TMEM165: variants seen among roughly 807,000 people sequenced by gnomAD.
TMEM165 encodes putative divalent cation/proton antiporter TMEM165.
Under a neutral mutation model 30.0 loss-of-function variants are expected in TMEM165, and 19 were observed. The observed-to-expected ratio is 0.63, with a 90% CI of 0.44 to 0.93. The LOEUF (loss-of-function observed/expected upper bound fraction) is 0.93, where lower values mean the gene tolerates loss of function less well. Among genes scored for constraint, TMEM165 ranks in the 40% least tolerant of loss-of-function variants. The pLI, the probability that TMEM165 is intolerant of heterozygous loss-of-function variation, is 0.00. For synonymous variants in TMEM165, 168 were observed against 162.9 expected (o/e 1.03, Z -0.24); for missense variants, 340 against 417.0 (o/e 0.82, Z 1.61).
chr4:55,447,057 T>A (rs976078058), intron 3 of TMEM165, among the ~76,000 whole-genome samples: 16 of 152,176 alleles, frequency 1.1e-4, no homozygotes, highest in African/African-American at 3.6e-4. Flanking sequence ...TGTTTTTTTT[T>A]AAATATTAGT....
At chr4:55,452,262 T>C (rs1724527416) in exon 4 of TMEM165, 1 of 152,280 alleles carries the variant, frequency 6.6e-6, no homozygotes, top group Non-Finnish European at 1.5e-5. Context: ...CTGGCTCATC[T>C]TGCATGCTTG....
At chr4:55,401,988 C>T (rs1368840118) in intron 1 of TMEM165, among the ~76,000 whole-genome samples, 6 of 148,864 alleles carry the variant, frequency 4.0e-5, no homozygotes, top group African/African-American at 1.5e-4. Flanking sequence ...CGTGGTGGCA[C>T]ACACCTGTAA....
At chr4:55,397,985 C>T (rs1405382704) in intron 1 of TMEM165, among the ~76,000 whole-genome samples, 3 of 152,142 alleles carry the variant, frequency 2.0e-5, no homozygotes, top group African/African-American at 7.2e-5. Context: ...TCAAGCGCTT[C>T]TCCGGCCTTG....
chr4:55,404,535 C>T (rs977986380), intron 1 of TMEM165, among the ~76,000 whole-genome samples: 3 of 151,640 alleles, frequency 2.0e-5, no homozygotes, highest in Non-Finnish European at 2.9e-5. Flanking sequence ...AAGTGATCCT[C>T]CCACCTCAGC....
At chr4:55,412,655 G>A (rs1721558611) in intron 2 of TMEM165, 1 of 151,808 alleles carries the variant, frequency 6.6e-6, no homozygotes, top group Admixed American at 6.6e-5. Flanking sequence ...AAGTGCAATG[G>A]TGTATACAAC....
chr4:55,448,603 T>G (rs6854356), intron 3 of TMEM165, among the ~76,000 whole-genome samples: 1 of 27,922 alleles, frequency 3.6e-5, no homozygotes. Flanking sequence ...CACGCGCGCG[T>G]GTGTGTGTGT....
At chr4:55,436,108 G>A (rs1722857138) in intron 3 of TMEM165, among the ~76,000 whole-genome samples, 1 of 152,082 alleles carries the variant, frequency 6.6e-6, no homozygotes, top group African/African-American at 2.4e-5. Flanking sequence ...TGGTCAAGCT[G>A]TTTACTTCTC....
rs1185099035 is a variant in TMEM165 at position 55,396,194 on chromosome 4, C to A, written c.5C>A (p.Ala2Glu). The A allele has an allele frequency of 2.1e-6, 3 of 1,415,448 alleles. No homozygotes were observed. Among genetic ancestry groups the A allele is most frequent in the Non-Finnish European group, 2.8e-6 (3 of 1,090,790 alleles). The allele number at this position is 1,415,448 out of a possible 1,614,324, so 87.7% of individuals were successfully genotyped here. The stretch of plus-strand genomic sequence containing the variant: ...GCGGCCGGCCCGGCAGGCGGGATGG[C>A]GGCCGCGGCTCCAGGGAACGGCCGC... M[A>E]AAAPGNGRAS... Residue 2 changes from alanine to glutamate, a missense_variant, in exon 1 of 6, where the codon GCG becomes GAG. This residue lies in a region of TMEM165 where 120 missense variants were observed against 109.4 expected (regional missense o/e 1.10). Transcript: ENST00000381334.
intron 3 of TMEM165, chr4:55,431,632 G>A (rs892388197): frequency 2.6e-5 from 4 of 152,114 alleles, no homozygotes; most frequent in Admixed American, 2.0e-4. Context: ...AAGGGCCACA[G>A]GTAATTGGAA....
chr4:55,400,244 T>TATA (rs373799012), intron 1 of TMEM165, among the ~76,000 whole-genome samples: 1 of 93,784 alleles, frequency 1.1e-5, no homozygotes, highest in South Asian at 2.4e-4. Flanking sequence ...ATGTAATTAA[T>TATA]ATTATATTAT....
chr4:55,437,575 G>T (rs560073485), intron 3 of TMEM165, among the ~76,000 whole-genome samples: 2 of 152,286 alleles, frequency 1.3e-5, no homozygotes, highest in Admixed American at 1.3e-4. Context: ...CAATATAGCG[G>T]TCACAAATAA....
downstream of TMEM165, among the ~76,000 whole-genome samples, chr4:55,427,090 G>A (rs1722242915): frequency 6.7e-6 from 1 of 150,178 alleles, no homozygotes; most frequent in Non-Finnish European, 1.5e-5. Flanking sequence ...CTGGAGTGCA[G>A]TGGTGTGATC....
At chr4:55,420,146 T>TATGTA (rs375498267) in intron 4 of TMEM165, among the ~76,000 whole-genome samples, 1 of 41,616 alleles carries the variant, frequency 2.4e-5, no homozygotes, top group Non-Finnish European at 4.2e-5. Flanking sequence ...TATTTATTTA[T>TATGTA]TTTATTTATT....
chr4:55,438,633 A>G (rs1723090825), intron 3 of TMEM165: 17 of 1,569,764 alleles, frequency 1.1e-5, no homozygotes, highest in South Asian at 2.3e-5. Context: ...ATAATACCCA[A>G]TGACATTGCC....
rs141051562 is a variant in TMEM165 at position 55,443,368 on chromosome 4, G to A, written c.409-8871G>A. Among the ~76,000 whole-genome samples the A allele has an allele frequency of 4.4e-4, 67 of 151,664 alleles. No individual in the cohort carries two copies. The East Asian group carries it at 0.011, about 25-fold the overall frequency. On this transcript the variant is annotated intron_variant, in intron 3 of 3. Coordinates refer to the TMEM165 transcript ENST00000608091. ...TGGGTGCCTATAATCCCAGCTACTC[G>A]GGAGGTTGGGGCAGGAGAATCGCTT...
At chr4:55,427,648 T>C (rs141201030), downstream of TMEM165, among the ~76,000 whole-genome samples, 425 of 152,130 alleles carry the variant, frequency 2.8e-3, 5 homozygotes, top group African/African-American at 9.8e-3. Flanking sequence ...CCCAACCGTT[T>C]TTTCTAATAA....
intron 4 of TMEM165, among the ~76,000 whole-genome samples, chr4:55,421,141 T>C (rs1721956763): frequency 8.4e-6 from 1 of 119,180 alleles, no homozygotes; most frequent in African/African-American, 3.3e-5. Flanking sequence ...CACTCCACTC[T>C]GGTCGACAGA....
chr4:55,403,577 A>T (rs565257050), intron 1 of TMEM165, among the ~76,000 whole-genome samples: 18 of 16,694 alleles, frequency 1.1e-3, no homozygotes, highest in African/African-American at 1.5e-3. Flanking sequence ...AAGTTTTTTT[A>T]AAAAAATCTT....
downstream of TMEM165, chr4:55,427,972 G>A (rs775767561): frequency 6.6e-6 from 1 of 152,190 alleles, no homozygotes; most frequent in Non-Finnish European, 1.5e-5. Flanking sequence ...CAAGTTATGT[G>A]CCACATGAAG....
Sources: gnomAD v4.1 joint callset for allele counts (sites outside exome capture counted in the v4.1 genomes callset) on GRCh38, gnomAD v4.1.1 for gene constraint, gnomAD v4.1.1 regional missense constraint, MANE v1.5 for transcripts, NCBI Gene and HGNC (gene_info 2026-07-23, HGNC 2026-07-21) for gene names.